Variants in BRAT1 observed in about 807,000 individuals in gnomAD.
BRAT1 encodes the protein integrator complex assembly factor BRAT1.
A neutral mutation model predicts 70.6 loss-of-function variants in BRAT1; 74 were observed. That is an observed-to-expected ratio of 1.05 (90% confidence interval 0.87 to 1.27). The LOEUF (loss-of-function observed/expected upper bound fraction) is 1.27, where lower values mean the gene tolerates loss of function less well. Among genes scored for constraint, BRAT1 ranks in the 50% most tolerant of loss-of-function variants. BRAT1 has a pLI of 0.00. For synonymous variants in BRAT1, 615 were observed against 517.1 expected (o/e 1.19, Z -2.57); for missense variants, 1,203 against 1,098.2 (o/e 1.10, Z -1.35).
chr7:2,552,484 T>C (rs1780113589), intron 2 of BRAT1, among the ~76,000 whole-genome samples: 2 of 151,522 alleles, frequency 1.3e-5, no homozygotes, highest in African/African-American at 4.9e-5. Context: ...AAAGGCACTT[T>C]GGGAAGCAGA....
chr7:2,541,289 C>T lies in BRAT1; in HGVS notation c.1321+9G>A. 1.9e-6 allele frequency: 3 copies of T among 1,574,264 alleles called. No homozygotes were observed. In the South Asian group the frequency reaches 3.4e-5, roughly 18 times the overall value. On this transcript the variant is annotated intron_variant, in intron 9 of 13. Coordinates refer to ENST00000340611, the MANE Select transcript of BRAT1 (RefSeq NM_152743.4). The stretch of plus-strand genomic sequence containing the variant: ...AGCCCCACGCCAAAGCCGTACAGAA[C>T]ACACTCACCTGTCCCCTGTGACAGC...
rs146203608 is a variant in BRAT1, at chr7:2,554,242, C to A, written c.127+63G>T. The A allele has an allele frequency of 0.011, 17,198 of 1,588,974 alleles. 133 individuals are homozygous for A. Among genetic ancestry groups the A allele is most frequent in the Non-Finnish European group, 0.013 (15,486 of 1,164,150 alleles). On this transcript the variant is annotated intron_variant, in intron 2 of 13. Coordinates refer to ENST00000340611, the MANE Select transcript of BRAT1 (RefSeq NM_152743.4). ...GGGGAGTCCCCATCTGGCCCCTGCT[C>A]CCTGTCCCAGCCTCTGCGTCTGGTC...
Position 2,537,997 on chromosome 7 carries a change from G to C in BRAT1, c.*72C>G. 1 of 1,459,534 alleles carries C rather than the reference G, an allele frequency of 6.9e-7. No homozygotes were observed. The highest frequency in any genetic ancestry group is 9.0e-7 in the Non-Finnish European group (1 of 1,107,978). 90.4% of individuals were successfully genotyped at this position (1,459,534 alleles called of 1,614,324 possible). A position where few individuals can be genotyped will look rare whatever the true frequency, so the allele number is the denominator to read the frequency against. On this transcript the variant is annotated 3_prime_UTR_variant, in exon 14 of 14. Transcript: ENST00000340611. Reference sequence around the variant, plus strand: ...CGGGCTGGGCTGGAGCCCTGGGGCTGGCAGTGTCCCACAGAAGGACATGGT... The same window carrying C: ...CGGGCTGGGCTGGAGCCCTGGGGCTCGCAGTGTCCCACAGAAGGACATGGT...
chr7:2,543,968 T>TCCCTACCC lies in BRAT1; in HGVS notation c.431-7_431-6insGGGTAGGG, dbSNP rs1779393467. On this transcript the variant is annotated splice_region_variant and splice_polypyrimidine_tract_variant and intron_variant, in intron 4 of 13. Transcript: ENST00000340611. The surrounding 1 kb of genome is among the most constrained non-coding windows in gnomAD (Gnocchi z 5.5). Reference sequence around the variant, plus strand: ...GAAGATGGTGTCGACCGCACCTGGGTAGGGGATGGGGGAAGAGAGGGAAAA... The same window carrying TCCCTACCC: ...GAAGATGGTGTCGACCGCACCTGGGTCCCTACCCAGGGGATGGGGGAAGAGAGGGAAAA... 1 of 1,528,810 alleles carries TCCCTACCC rather than the reference T, an allele frequency of 6.5e-7. No individual in the cohort carries two copies. Among genetic ancestry groups the TCCCTACCC allele is most frequent in the Admixed American group, 1.9e-5 (1 of 53,636 alleles). The allele number at this position is 1,528,810 out of a possible 1,614,324, so 94.7% of individuals were successfully genotyped here. A position where few individuals can be genotyped will look rare whatever the true frequency, so the allele number is the denominator to read the frequency against.
chr7:2,543,706 C>T lies in BRAT1; in HGVS notation c.687G>A (p.Gln229=). The change falls in exon 5 of 14, where the codon CAG becomes CAA. Residue 229 remains glutamine, a synonymous_variant. Transcript: ENST00000340611. This position sits in a 1 kb window ranked among gnomAD's most constrained non-coding sequence, Gnocchi z 5.5. ...NVLTTTFGRC[Q]SPWTEALWVR... is the part of the protein sequence containing the mutation. ...CCCACAGGGCTTCCGTCCAGGGGCTCTGGCAGCGCCCGAAGGTCGTGGTCA... is the reference window on the plus strand; with the variant it reads ...CCCACAGGGCTTCCGTCCAGGGGCTTTGGCAGCGCCCGAAGGTCGTGGTCA... 1 of 1,579,178 alleles carries T rather than the reference C, an allele frequency of 6.3e-7. No individual in the cohort carries two copies. The highest frequency in any genetic ancestry group is 8.6e-7 in the Non-Finnish European group (1 of 1,156,708).
Position 2,543,740 on chromosome 7 carries a change from A to C in BRAT1, c.653T>G (p.Leu218Arg). Residue 218 changes from leucine to arginine, a missense_variant, in exon 5 of 14, where the codon CTG (leucine) becomes CGG (arginine). Transcript: ENST00000340611. The surrounding 1 kb of genome is among the most constrained non-coding windows in gnomAD (Gnocchi z 5.5). The stretch of plus-strand genomic sequence containing the variant: ...CCCGAAGGTCGTGGTCAGGACGTTC[A>C]GGGCCTGAGTGACCTTGGGGGTGGC... The part of the protein sequence containing the change: ...SAATPKVTQA[L>R]NVLTTTFGRC... 6.2e-7 allele frequency: 1 copy of C among 1,600,770 alleles called. No homozygotes were observed.
intron 2 of BRAT1, among the ~76,000 whole-genome samples, chr7:2,549,288 C>G (rs1779828600): frequency 6.6e-6 from 1 of 151,906 alleles, no homozygotes; most frequent in Non-Finnish European, 1.5e-5. Flanking sequence ...AGTTTTAAGA[C>G]CAGCTTGGGC....
chr7:2,550,154 C>G (rs1429441904), intron 2 of BRAT1, among the ~76,000 whole-genome samples: 1 of 145,444 alleles, frequency 6.9e-6, no homozygotes, highest in African/African-American at 2.6e-5. Flanking sequence ...CAGAGTGAGA[C>G]CCTGTCTCCA....
intron 9 of BRAT1, 97 bp downstream of exon 9, chr7:2,541,201 A>T: frequency 6.9e-7 from 1 of 1,440,420 alleles, no homozygotes; most frequent in South Asian, 1.4e-5. Flanking sequence ...CCAGAGAAGA[A>T]ACAGAGAGGG....
At chr7:2,552,741 C>G (rs1562594664) in intron 2 of BRAT1, among the ~76,000 whole-genome samples, 2 of 150,872 alleles carry the variant, frequency 1.3e-5, no homozygotes. Flanking sequence ...CATTATGACA[C>G]TATTTTTTTT....
Position 2,539,341 on chromosome 7 carries a change from G to A in BRAT1, c.1608C>T (p.Asp536=), listed in dbSNP as rs1263250911. The change falls in exon 13 of 14, where the codon GAC becomes GAT. Residue 536 remains aspartate (D), a synonymous_variant. Coordinates refer to ENST00000340611, the MANE Select transcript of BRAT1 (RefSeq NM_152743.4). ...CTGAAGCCAAGAGTGCGCATCTGAA[G>A]TCAGCCTGTCCTGGGGGTCGAAACG... ...QLSRHWGGQA[D]FRCALLASEV... 1 of 1,608,702 alleles carries A rather than the reference G, an allele frequency of 6.2e-7. No homozygotes were observed. The highest frequency in any genetic ancestry group is 1.1e-5 in the South Asian group (1 of 90,892).
rs4721763 is a variant in BRAT1 at position 2,538,800 on chromosome 7, G to A, written c.1771-36C>T. ...GGGAGCAAGTGCGGATGGTTGGTGG[G>A]GTGGCAGGAGCGAGGCTCCCGCAAC... is the stretch of plus-strand genomic sequence containing the variant. On this transcript the variant is annotated intron_variant, in intron 13 of 13. Transcript: ENST00000340611. 4 of 1,594,688 alleles carry A rather than the reference G, an allele frequency of 2.5e-6. No individual in the cohort carries two copies. The East Asian group carries it at 6.7e-5, about 27-fold the overall frequency.
chr7:2,552,081 A>AACATATATATATATATATAT (rs1554298077), intron 2 of BRAT1, among the ~76,000 whole-genome samples: 1 of 23,384 alleles, frequency 4.3e-5, no homozygotes, highest in East Asian at 2.9e-3. Context: ...CATAGTCTTA[A>AACATATATATATATATATAT]ATATATATAT....
Position 2,538,505 on chromosome 7 carries a change from A to C in BRAT1, c.2030T>G (p.Val677Gly), listed in dbSNP as rs1562565103. The part of the protein sequence containing the change: ...GPPRTHCPYA[V>G]ALPEVAPAQP... ...GGCTGGGGCCACCTCGGGTAGGGCC[A>C]CGGCATAGGGGCAGTGGGTACGCGG... The change falls in exon 14 of 14, where the codon GTG becomes GGG. Residue 677 changes from valine (V) to glycine (G), a missense_variant. Coordinates refer to ENST00000340611, the MANE Select transcript of BRAT1 (RefSeq NM_152743.4). 1 of 1,610,804 alleles carries C rather than the reference A, an allele frequency of 6.2e-7. No homozygotes were observed. Among genetic ancestry groups the C allele is most frequent in the African/African-American group, 1.3e-5 (1 of 75,044 alleles).
intron 2 of BRAT1, among the ~76,000 whole-genome samples, chr7:2,548,914 G>A (rs1180290934): frequency 2.6e-5 from 4 of 151,168 alleles, no homozygotes; most frequent in Non-Finnish European, 4.4e-5. Flanking sequence ...GCGGTGAGCC[G>A]AGATCGCACC....
chr7:2,541,346 C>T lies in BRAT1; in HGVS notation c.1273G>A (p.Val425Ile). 1 of 1,605,370 alleles carries T rather than the reference C, an allele frequency of 6.2e-7. No individual in the cohort carries two copies. Among genetic ancestry groups the T allele is most frequent in the Non-Finnish European group, 8.5e-7 (1 of 1,179,380 alleles). The change falls in exon 9 of 14, where the codon GTC (valine) becomes ATC (isoleucine). Residue 425 changes from valine to isoleucine, a missense_variant. Transcript: ENST00000340611. ...LCGTLAGCVR[V>I]QRAALDFLGT... ...AGGAAGTCGAGGGCTGCTCGCTGGA[C>T]CCGGACGCAGCCCGCCAGGGTCCCA...
In BRAT1 at chr7:2,538,175, G is replaced by A. The variant is rs375916445; in HGVS notation, c.2360C>T (p.Thr787Met). The stretch of plus-strand genomic sequence containing the variant: ...CACGTGGTCGCTGCTCTCGGCCAGC[G>A]TGCTCCGCAGGCCCTCCAGGTCTAG... ...RSLDLEGLRS[T>M]LAESSDHVEK... is the part of the protein sequence containing the mutation. Residue 787 changes from threonine to methionine, a missense_variant, in exon 14 of 14, where the codon ACG becomes ATG. By Grantham distance (81) the Thr-to-Met change is moderately conservative. Transcript: ENST00000340611. The A allele has an allele frequency of 1.1e-4, 180 of 1,608,948 alleles. No individual in the cohort carries two copies. Among genetic ancestry groups the A allele is most frequent in the Non-Finnish European group, 1.2e-4 (141 of 1,177,386 alleles).
intron 4 of BRAT1, 197 bp from the exon 5 acceptor site, chr7:2,544,159 A>C: frequency 2.4e-6 from 1 of 411,126 alleles, no homozygotes; most frequent in Non-Finnish European, 4.3e-6. Flanking sequence ...AGCGTTAAAC[A>C]CACACAGCTT....
At chr7:2,553,813 TG>T (rs1483327487) in intron 2 of BRAT1, among the ~76,000 whole-genome samples, 4 of 151,206 alleles carry the variant, frequency 2.6e-5, no homozygotes, top group African/African-American at 4.9e-5. Context: ...AGCTAATTTT[TG>T]TTTTTTTTTT....
Sources: allele counts gnomAD v4.1 joint callset (sites outside exome capture counted in the v4.1 genomes callset), GRCh38; gene constraint gnomAD v4.1.1; non-coding constraint Gnocchi (gnomAD v3.1); transcripts MANE v1.5; gene names NCBI Gene and HGNC (gene_info 2026-07-23, HGNC 2026-07-21).